CRTAC1: variants seen among roughly 807,000 people sequenced by gnomAD.
CRTAC1 encodes the protein acidic secreted protein in cartilage.
Under a neutral mutation model 67.8 loss-of-function variants are expected in CRTAC1, and 37 were observed. The ratio of observed to expected loss-of-function variants is 0.55; its 90% confidence interval spans 0.42 to 0.72. The LOEUF (loss-of-function observed/expected upper bound fraction) is 0.72. Ranked by LOEUF, CRTAC1 falls within the 30% of genes least tolerant of loss-of-function variation. The pLI is 0.00. For synonymous variants in CRTAC1, 348 were observed against 371.0 expected, an observed-to-expected ratio of 0.94 and a Z score of 0.71; for missense variants, 780 against 931.6, an observed-to-expected ratio of 0.84 and a Z score of 2.12.
At chr10:97,883,700 A>G (rs2050244570) in intron 12 of CRTAC1, among the ~76,000 whole-genome samples, 1 of 152,162 alleles carries the variant, frequency 6.6e-6, no homozygotes, top group Non-Finnish European at 1.5e-5. Flanking sequence ...GTTCCTGTTA[A>G]TCGCCACCAA....
intron 2 of CRTAC1, among the ~76,000 whole-genome samples, chr10:97,948,649 G>A (rs1426394965): frequency 6.6e-6 from 1 of 152,178 alleles, no homozygotes; most frequent in Non-Finnish European, 1.5e-5. Context: ...TAAGAGGAAA[G>A]GAAGCCAGGA....
intron 2 of CRTAC1, among the ~76,000 whole-genome samples, chr10:98,008,963 G>A (rs1265441388): frequency 6.6e-6 from 1 of 152,092 alleles, no homozygotes; most frequent in Non-Finnish European, 1.5e-5. Context: ...TGGCAGGGTG[G>A]CACATGGCTC....
At chr10:97,891,345 T>C (rs924290878) in intron 11 of CRTAC1, among the ~76,000 whole-genome samples, 2 of 152,266 alleles carry the variant, frequency 1.3e-5, no homozygotes, top group African/African-American at 4.8e-5. Flanking sequence ...TTCCCACTTC[T>C]GGGCCTTTGG....
intron 2 of CRTAC1, among the ~76,000 whole-genome samples, chr10:98,008,042 C>T (rs1382485451): frequency 6.6e-6 from 1 of 152,180 alleles, no homozygotes; most frequent in Non-Finnish European, 1.5e-5. Flanking sequence ...AGGGAACTGA[C>T]CTCAGCGACT....
chr10:98,015,753 T>C (rs1057388980), intron 1 of CRTAC1, among the ~76,000 whole-genome samples: 1 of 152,238 alleles, frequency 6.6e-6, no homozygotes, highest in African/African-American at 2.4e-5. Flanking sequence ...CTGGTGGTCT[T>C]GTTAGAATGC....
In CRTAC1 at chr10:98,029,527, GGCA is replaced by G. The variant is rs1040751376; in HGVS notation, c.24+919_24+921del. On this transcript the variant is annotated intron_variant, in intron 1 of 14. Transcript: ENST00000370597. The surrounding 1 kb of genome is among the most constrained non-coding windows in gnomAD (Gnocchi z 4.7). ...CGGCGGCGGCGGCGGCGGCGGCGGC[GGCA>G]GCAGCAGCAATATTCATTAGTCATT... Among the ~76,000 whole-genome samples, 48 of 131,152 alleles carry G rather than the reference GGCA, an allele frequency of 3.7e-4. No individual in the cohort carries two copies. Among genetic ancestry groups the G allele is most frequent in the African/African-American group, 1.8e-3 (42 of 23,844 alleles). 86.0% of individuals were successfully genotyped at this position (131,152 alleles called of 152,430 possible). A position where few individuals can be genotyped will look rare whatever the true frequency, so the allele number is the denominator to read the frequency against.
At chr10:97,932,780 A>G (rs1379041985) in intron 3 of CRTAC1, among the ~76,000 whole-genome samples, 2 of 152,148 alleles carry the variant, frequency 1.3e-5, no homozygotes, top group African/African-American at 2.4e-5. Context: ...GATATAGTCT[A>G]TGGCGCCACT....
At chr10:97,979,573 T>C (rs747162620) in intron 2 of CRTAC1, among the ~76,000 whole-genome samples, 1 of 152,156 alleles carries the variant, frequency 6.6e-6, no homozygotes, top group Non-Finnish European at 1.5e-5. Context: ...TGGGAGACAG[T>C]TGGTGGGCAC....
At chr10:97,936,539 T>C (rs1355806043) in intron 2 of CRTAC1, among the ~76,000 whole-genome samples, 173 bp from the exon 3 acceptor site, 1 of 152,178 alleles carries the variant, frequency 6.6e-6, no homozygotes, top group East Asian at 1.9e-4. Flanking sequence ...GAGTGTTGGA[T>C]GAGTGTCCCT....
At chr10:97,951,093 C>T (rs751844821) in intron 2 of CRTAC1, among the ~76,000 whole-genome samples, 1 of 152,194 alleles carries the variant, frequency 6.6e-6, no homozygotes, top group African/African-American at 2.4e-5. Context: ...TCTGTCAAGA[C>T]AAATGGGCCA....
chr10:97,888,691 G>A (rs1375526889), intron 11 of CRTAC1, among the ~76,000 whole-genome samples: 1 of 152,112 alleles, frequency 6.6e-6, no homozygotes, highest in Non-Finnish European at 1.5e-5. Context: ...TCTTTCCGGG[G>A]CTGCACGGGC....
Position 97,880,503 on chromosome 10 carries a change from G to T in CRTAC1, c.1676-111C>A, listed in dbSNP as rs1279964362. The T allele has an allele frequency of 1.3e-5, 18 of 1,349,052 alleles. No homozygotes were observed. The East Asian group carries it at 2.2e-4, about 16-fold the overall frequency. The allele number at this position is 1,349,052 out of a possible 1,614,324, so 83.6% of individuals were successfully genotyped here. A position where few individuals can be genotyped will look rare whatever the true frequency, so the allele number is the denominator to read the frequency against. On this transcript the variant is annotated intron_variant, in intron 13 of 14. Coordinates refer to ENST00000370597, the MANE Select transcript of CRTAC1 (RefSeq NM_018058.7). ...TTTGGGAATGTGCCTTCCTCGCAGA[G>T]CCTCAGTTTCCCTGCTTCAGTTCCC...
chr10:97,866,037 A>C, intron 14 of CRTAC1: 8 of 316,080 alleles, frequency 2.5e-5, no homozygotes, highest in East Asian at 5.4e-5. Flanking sequence ...CCCTCTCCCA[A>C]CCCTGCGAGG....
At chr10:97,926,383 T>A (rs1254565960) in intron 3 of CRTAC1, among the ~76,000 whole-genome samples, 1 of 152,162 alleles carries the variant, frequency 6.6e-6, no homozygotes, top group Non-Finnish European at 1.5e-5. Context: ...AGCGTCGTTG[T>A]GGGAATTACA....
chr10:97,921,939 CT>C (rs2050845654), intron 4 of CRTAC1, among the ~76,000 whole-genome samples: 1 of 150,486 alleles, frequency 6.6e-6, no homozygotes, highest in Non-Finnish European at 1.5e-5. Flanking sequence ...TGCCTTTGTC[CT>C]GTGGTTAAAT....
At chr10:97,923,200 C>T (rs1347716668) in intron 4 of CRTAC1, 64 bp downstream of exon 4, 1 of 1,598,700 alleles carries the variant, frequency 6.3e-7, no homozygotes, top group African/African-American at 1.3e-5. Flanking sequence ...GACGTCTACA[C>T]AGTGGCTCCT....
At chr10:98,009,950 C>T (rs1237510671) in intron 2 of CRTAC1, among the ~76,000 whole-genome samples, 1 of 152,030 alleles carries the variant, frequency 6.6e-6, no homozygotes, top group Admixed American at 6.5e-5. Context: ...AATACATTTA[C>T]TTCATAGTGC....
intron 2 of CRTAC1, among the ~76,000 whole-genome samples, chr10:97,999,821 A>G (rs1392875709): frequency 6.6e-6 from 1 of 152,138 alleles, no homozygotes; most frequent in African/African-American, 2.4e-5. Context: ...AGTTGAGCAT[A>G]CATCAGGACG....
At chr10:97,894,909 G>T (rs2136556116) in intron 11 of CRTAC1, among the ~76,000 whole-genome samples, 1 of 151,016 alleles carries the variant, frequency 6.6e-6, no homozygotes, top group East Asian at 2.0e-4. Flanking sequence ...GAAACAGCTG[G>T]TTTGGACACG....
Sources: allele counts gnomAD v4.1 joint callset (sites outside exome capture counted in the v4.1 genomes callset), GRCh38; gene constraint gnomAD v4.1.1; non-coding constraint Gnocchi (gnomAD v3.1); transcripts MANE v1.5; gene names NCBI Gene and HGNC (gene_info 2026-07-23, HGNC 2026-07-21).